The following PSMD1 variants were observed in gnomAD, a reference collection of about 807,000 sequenced individuals.
PSMD1 encodes proteasome 26S subunit, non-ATPase 1, also known as 26S proteasome non-ATPase regulatory subunit 1.
A neutral mutation model predicts 119.0 loss-of-function variants in PSMD1; 18 were observed. The observed-to-expected ratio is 0.15, with a 90% CI of 0.10 to 0.22. The LOEUF is 0.22. Among genes scored for constraint, PSMD1 ranks in the 10% least tolerant of loss-of-function variants. PSMD1 has a pLI of 1.00. For missense variants in PSMD1, 702 were observed against 1,158.5 expected (o/e 0.61, Z 5.72); for synonymous variants, 374 against 396.6 (o/e 0.94, Z 0.68).
chr2:231,099,326 A>G (rs1268083721), intron 16 of PSMD1, among the ~76,000 whole-genome samples: 1 of 152,188 alleles, frequency 6.6e-6, no homozygotes. Flanking sequence ...TTCCTGAGAC[A>G]CTGGACTTTT....
intron 6 of PSMD1, among the ~76,000 whole-genome samples, chr2:231,070,721 T>A (rs1341940008): frequency 3.3e-5 from 5 of 152,238 alleles, no homozygotes; most frequent in Middle Eastern, 3.4e-3. Flanking sequence ...GACATAGATG[T>A]TTTTCCCTAC....
At chr2:231,143,770 C>T (rs998034765) in intron 17 of PSMD1, among the ~76,000 whole-genome samples, 3 of 152,148 alleles carry the variant, frequency 2.0e-5, no homozygotes, top group Non-Finnish European at 4.4e-5. Context: ...TACAGTATGC[C>T]TGAACTCCCA....
chr2:231,064,141 C>T (rs1693835212), intron 4 of PSMD1, among the ~76,000 whole-genome samples: 2 of 152,122 alleles, frequency 1.3e-5, no homozygotes, highest in African/African-American at 4.8e-5. Context: ...GAGTTTTGAT[C>T]AGTAGACCAG....
intron 18 of PSMD1, among the ~76,000 whole-genome samples, chr2:231,152,497 A>G (rs193160023): frequency 1.3e-5 from 2 of 152,320 alleles, no homozygotes; most frequent in Admixed American, 1.3e-4. Flanking sequence ...TGTAGAGATG[A>G]AGATACTGAG....
intron 16 of PSMD1, among the ~76,000 whole-genome samples, chr2:231,129,928 A>G (rs1695815520): frequency 6.6e-6 from 1 of 152,132 alleles, no homozygotes; most frequent in Non-Finnish European, 1.5e-5. Flanking sequence ...GTGTCAGCTC[A>G]CTGCAACCTC....
chr2:231,065,765 C>T (rs576087863), intron 4 of PSMD1, among the ~76,000 whole-genome samples: 128 of 152,244 alleles, frequency 8.4e-4, no homozygotes, highest in Admixed American at 2.4e-3. Flanking sequence ...TCACACCCTC[C>T]CCTCCATGCA....
intron 15 of PSMD1, 67 bp from the exon 16 acceptor site, chr2:231,087,050 C>T: frequency 7.5e-7 from 1 of 1,325,736 alleles, no homozygotes; most frequent in South Asian, 1.2e-5. Context: ...TGATGCTGAC[C>T]TCTCATGTCA....
chr2:231,092,612 A>C (rs867805480), intron 16 of PSMD1, among the ~76,000 whole-genome samples: 10 of 152,172 alleles, frequency 6.6e-5, no homozygotes, highest in African/African-American at 1.7e-4. Flanking sequence ...ACGTGGCTGC[A>C]AAACTGTGAT....
chr2:231,087,273 A>G, intron 16 of PSMD1, 92 bp downstream of exon 16: 7 of 1,040,828 alleles, frequency 6.7e-6, no homozygotes, highest in Non-Finnish European at 1.0e-5. Context: ...TTTAGTCACT[A>G]AACAAAAACT....
In PSMD1 at chr2:231,056,956, C is replaced by A; in HGVS notation, c.-70C>A. The A allele has an allele frequency of 2.6e-6, 4 of 1,535,502 alleles. No homozygotes were observed. Among genetic ancestry groups the A allele is most frequent in the Non-Finnish European group, 3.5e-6 (4 of 1,141,638 alleles). ...AAGGAGGCGCGGTGAACTGAGCGGC[C>A]CCTGAGCTGACAGATACACTGCGCA... On this transcript the variant is annotated 5_prime_UTR_variant, in exon 1 of 25. Transcript: ENST00000308696.
At chr2:231,064,872 G>A (rs1574702860) in intron 4 of PSMD1, among the ~76,000 whole-genome samples, 1 of 150,708 alleles carries the variant, frequency 6.6e-6, no homozygotes, top group Non-Finnish European at 1.5e-5. Context: ...ATGTTGGCCA[G>A]GCTGGTCTTA....
intron 16 of PSMD1, among the ~76,000 whole-genome samples, chr2:231,110,729 G>C (rs1027850878): frequency 6.6e-6 from 1 of 152,238 alleles, no homozygotes; most frequent in Admixed American, 6.5e-5. Context: ...TTATACTACA[G>C]TTTGAGGACC....
chr2:231,104,847 G>C (rs1694942897), intron 16 of PSMD1, among the ~76,000 whole-genome samples: 1 of 152,056 alleles, frequency 6.6e-6, no homozygotes, highest in African/African-American at 2.4e-5. Flanking sequence ...TATATCCTAA[G>C]ACTGGTACAT....
chr2:231,132,381 C>A (rs1296881806), intron 16 of PSMD1, among the ~76,000 whole-genome samples: 2 of 152,172 alleles, frequency 1.3e-5, no homozygotes, highest in African/African-American at 4.8e-5. Flanking sequence ...GATAAGTATC[C>A]TGCATGCCAT....
chr2:231,122,306 C>G (rs1032956599), intron 16 of PSMD1, among the ~76,000 whole-genome samples: 3 of 152,068 alleles, frequency 2.0e-5, no homozygotes, highest in African/African-American at 7.2e-5. Context: ...AGATATCTTT[C>G]TGTTATTACT....
At chr2:231,058,692 T>C (rs1693675593) in intron 1 of PSMD1, among the ~76,000 whole-genome samples, 1 of 152,108 alleles carries the variant, frequency 6.6e-6, no homozygotes. Flanking sequence ...TCCCGCCTTG[T>C]CTTGTAGTAC....
chr2:231,112,820 T>C (rs1324497266), intron 16 of PSMD1, among the ~76,000 whole-genome samples: 2 of 151,626 alleles, frequency 1.3e-5, no homozygotes, highest in Non-Finnish European at 2.9e-5. Context: ...ATACATAATT[T>C]CTGAACATCG....
chr2:231,099,716 C>T (rs1243787776), intron 16 of PSMD1, among the ~76,000 whole-genome samples: 1 of 152,084 alleles, frequency 6.6e-6, no homozygotes, highest in Non-Finnish European at 1.5e-5. Flanking sequence ...GTGTGAGGCT[C>T]AGTTTCCCCA....
At chr2:231,100,272 GA>G (rs1694831506) in intron 16 of PSMD1, among the ~76,000 whole-genome samples, 1 of 151,996 alleles carries the variant, frequency 6.6e-6, no homozygotes, top group African/African-American at 2.4e-5. Flanking sequence ...TGCCCTTAAA[GA>G]TGGTGCAATG....
Sources: gnomAD v4.1 joint callset for allele counts (sites outside exome capture counted in the v4.1 genomes callset) on GRCh38, gnomAD v4.1.1 for gene constraint, MANE v1.5 for transcripts, NCBI Gene and HGNC (gene_info 2026-07-23, HGNC 2026-07-21) for gene names.